The following AADACL4 variants were observed in gnomAD, a reference collection of about 807,000 sequenced individuals.
AADACL4 encodes the protein arylacetamide deacetylase-like 4.
Under a neutral mutation model 14.1 loss-of-function variants are expected in AADACL4, and 9 were observed. The observed-to-expected ratio is 0.64, with a 90% CI of 0.39 to 1.12. The LOEUF (loss-of-function observed/expected upper bound fraction) is 1.12. Ranked by LOEUF, AADACL4 falls within the 50% of genes most tolerant of loss-of-function variation. AADACL4 has a pLI of 0.01. For missense variants in AADACL4, 531 were observed against 516.1 expected (o/e 1.03, Z -0.28); for synonymous variants, 188 against 201.6 (o/e 0.93, Z 0.57).
Position 12,653,484 on chromosome 1 carries a change from C to T in AADACL4, c.385+2145C>T, listed in dbSNP as rs568617738. Among the ~76,000 whole-genome samples the T allele has an allele frequency of 1.2e-3, 177 of 152,250 alleles. 1 individual carries two copies. The highest frequency in any genetic ancestry group is 6.8e-3 in the South Asian group (33 of 4,822). On this transcript the variant is annotated intron_variant, in intron 2 of 3. Coordinates refer to ENST00000376221, the MANE Select transcript of AADACL4 (RefSeq NM_001013630.2). ...TTATTGAAATTATACAGCCGGATAGCCTGTTGGTAAAACTTTGAACATGCA... is the reference window on the plus strand; with the variant it reads ...TTATTGAAATTATACAGCCGGATAGTCTGTTGGTAAAACTTTGAACATGCA...
intron 1 of AADACL4, among the ~76,000 whole-genome samples, chr1:12,648,221 C>T (rs994178149): frequency 3.3e-5 from 5 of 151,942 alleles, no homozygotes; most frequent in Non-Finnish European, 5.9e-5. Context: ...CCGCCTGCCT[C>T]GGCCTCCCAA....
In AADACL4 at chr1:12,644,723, ACT is replaced by A; in HGVS notation, c.168+13_168+14del. 2 of 1,612,440 alleles carry A rather than the reference ACT, an allele frequency of 1.2e-6. No individual in the cohort carries two copies. The highest frequency in any genetic ancestry group is 2.2e-5 in the South Asian group (2 of 90,968). On this transcript the variant is annotated intron_variant, in intron 1 of 3. Coordinates refer to ENST00000376221, the MANE Select transcript of AADACL4 (RefSeq NM_001013630.2). Reference sequence around the variant, plus strand: ...TCTACCTGGTCACTTTGGTGAGTTTACTCTCAGGCCACGTCGTAACCTGGGGG... The same window carrying A: ...TCTACCTGGTCACTTTGGTGAGTTTACTCAGGCCACGTCGTAACCTGGGGG...
At chr1:12,656,782 G>A (rs1216849472) in intron 2 of AADACL4, among the ~76,000 whole-genome samples, 1 of 152,130 alleles carries the variant, frequency 6.6e-6, no homozygotes, top group Non-Finnish European at 1.5e-5. Context: ...CCACTGCCTG[G>A]TATGGGTTTT....
At chr1:12,658,882 G>A (rs1267425263) in intron 2 of AADACL4, among the ~76,000 whole-genome samples, 1 of 150,578 alleles carries the variant, frequency 6.6e-6, no homozygotes, top group African/African-American at 2.5e-5. Context: ...TCCATATTCA[G>A]TACTTGACTC....
intron 1 of AADACL4, among the ~76,000 whole-genome samples, chr1:12,650,378 T>C (rs1647137324): frequency 6.6e-6 from 1 of 152,184 alleles, no homozygotes; most frequent in South Asian, 2.1e-4. Flanking sequence ...TCTTTTTCAT[T>C]GAACACGGAC....
At chr1:12,659,066 G>C (rs1647206576) in intron 2 of AADACL4, among the ~76,000 whole-genome samples, 1 of 152,214 alleles carries the variant, frequency 6.6e-6, no homozygotes, top group Non-Finnish European at 1.5e-5. Context: ...TGGATGTATG[G>C]ACCGACGCAT....
At chr1:12,650,077 C>A (rs1647135949) in intron 1 of AADACL4, among the ~76,000 whole-genome samples, 1 of 152,208 alleles carries the variant, frequency 6.6e-6, no homozygotes, top group Non-Finnish European at 1.5e-5. Context: ...TGGGCCAGTA[C>A]TGACACATTG....
chr1:12,648,266 G>A (rs1230486530), intron 1 of AADACL4, among the ~76,000 whole-genome samples: 2 of 152,058 alleles, frequency 1.3e-5, no homozygotes, highest in Non-Finnish European at 2.9e-5. Flanking sequence ...CACCGCAGCC[G>A]GACTGCTTTT....
intron 2 of AADACL4, among the ~76,000 whole-genome samples, chr1:12,656,925 G>A (rs559199985): frequency 2.8e-4 from 42 of 152,120 alleles, no homozygotes; most frequent in African/African-American, 9.9e-4. Flanking sequence ...TGGACTGCTC[G>A]AGCTCAGGAG....
At chr1:12,665,112 C>T (rs1557553223) in intron 3 of AADACL4, among the ~76,000 whole-genome samples, 1 of 152,238 alleles carries the variant, frequency 6.6e-6, no homozygotes, top group Non-Finnish European at 1.5e-5. Context: ...ACTGCAGCCT[C>T]AACCTTCTGG....
At chr1:12,658,139 CCTTTCTTTCTTT>C (rs1191457132) in intron 2 of AADACL4, among the ~76,000 whole-genome samples, 1 of 84,858 alleles carries the variant, frequency 1.2e-5, no homozygotes, top group African/African-American at 7.0e-5. Context: ...TTCCTTCCTT[CCTTTCTTTCTTT>C]CTTTCTTTCT....
At chr1:12,658,063 T>TCC (rs1553147643) in intron 2 of AADACL4, among the ~76,000 whole-genome samples, 2 of 144,132 alleles carry the variant, frequency 1.4e-5, no homozygotes, top group Admixed American at 1.3e-4. Flanking sequence ...CTTCCTTTCT[T>TCC]TTTCTCTTTC....
chr1:12,648,127 C>T lies in AADACL4; in HGVS notation c.169-2996C>T, dbSNP rs527656287. On this transcript the variant is annotated intron_variant, in intron 1 of 3. Transcript: ENST00000376221. Reference sequence around the variant, plus strand: ...CTGGGACTACAGGTGCGTGCCACCACGCCTGGCTAATTTTTTGTATTTTTA... The same window carrying T: ...CTGGGACTACAGGTGCGTGCCACCATGCCTGGCTAATTTTTTGTATTTTTA... Among the ~76,000 whole-genome samples, 26 of 152,134 alleles carry T rather than the reference C, an allele frequency of 1.7e-4. No individual in the cohort carries two copies. In the South Asian group the frequency reaches 2.5e-3, roughly 15 times the overall value.
intron 1 of AADACL4, among the ~76,000 whole-genome samples, chr1:12,648,440 AG>A (rs1647125762): frequency 6.7e-6 from 1 of 148,650 alleles, no homozygotes; most frequent in African/African-American, 2.5e-5. Context: ...TCTGTCGCCC[AG>A]GCTGAAGTGC....
In AADACL4 at chr1:12,666,584, A is replaced by G; in HGVS notation, c.1073A>G (p.Lys358Arg). 6.2e-7 allele frequency: 1 copy of G among 1,614,222 alleles called. No individual in the cohort carries two copies. The highest frequency in any genetic ancestry group is 8.5e-7 in the Non-Finnish European group (1 of 1,180,040). The change falls in exon 4 of 4, where the codon AAG becomes AGG. Residue 358 changes from lysine to arginine, a missense_variant. Lys to Arg is a conservative substitution (Grantham distance 26, BLOSUM62 2). Coordinates refer to ENST00000376221, the MANE Select transcript of AADACL4 (RefSeq NM_001013630.2). The stretch of plus-strand genomic sequence containing the variant: ...CGTGATGACAGCTTGCTCTATAAGA[A>G]GCGCTTGGAGGACCAGGGGGTCCGC... ...ILRDDSLLYK[K>R]RLEDQGVRVT...
intron 1 of AADACL4, among the ~76,000 whole-genome samples, chr1:12,647,090 AT>A (rs201579516): frequency 0.085 from 10,910 of 128,728 alleles, 506 homozygotes; most frequent in African/African-American, 0.15. Context: ...AAAAGTGAGG[AT>A]TTTTTTTTTT....
chr1:12,661,495 T>C (rs1223453850), intron 2 of AADACL4, among the ~76,000 whole-genome samples: 1 of 150,796 alleles, frequency 6.6e-6, no homozygotes, highest in African/African-American at 2.5e-5. Context: ...CTTCCCTTGG[T>C]TTTTTTCCAT....
intron 1 of AADACL4, among the ~76,000 whole-genome samples, chr1:12,645,569 G>T (rs1175052564): frequency 6.6e-6 from 1 of 152,052 alleles, no homozygotes; most frequent in African/African-American, 2.4e-5. Flanking sequence ...TTGAGACGGG[G>T]TCTTGCTCTG....
At chr1:12,665,937 TG>T (rs1179195499) in intron 3 of AADACL4, 23 bp from the exon 4 acceptor site, 1 of 1,585,696 alleles carries the variant, frequency 6.3e-7, no homozygotes, top group Non-Finnish European at 8.6e-7. Flanking sequence ...ACTGGTGTAG[TG>T]TTGCTCCCTG....
Sources: allele counts gnomAD v4.1 joint callset (sites outside exome capture counted in the v4.1 genomes callset), GRCh38; gene constraint gnomAD v4.1.1; transcripts MANE v1.5; gene names NCBI Gene and HGNC (gene_info 2026-07-23, HGNC 2026-07-21).